Variants in LPIN1 observed in about 807,000 individuals in gnomAD.
The protein encoded by LPIN1 is lipin 1.
Under a neutral mutation model 107.5 loss-of-function variants are expected in LPIN1, and 71 were observed. That is an observed-to-expected ratio of 0.66 (90% CI 0.55 to 0.80). The LOEUF (loss-of-function observed/expected upper bound fraction) is 0.80, where lower values mean the gene tolerates loss of function less well. Ranked by LOEUF, LPIN1 falls within the 30% of genes least tolerant of loss-of-function variation. The pLI is 0.00. For missense variants in LPIN1, 1,043 were observed against 1,160.6 expected (o/e 0.90, Z 1.47); for synonymous variants, 445 against 452.6 (o/e 0.98, Z 0.21).
At position 11,771,795 on chromosome 2, in the gene LPIN1, T is replaced by C; in HGVS notation, c.596+116T>C. On this transcript the variant is annotated intron_variant, in intron 4 of 20. Transcript: ENST00000674199. This position sits in a 1 kb window ranked among gnomAD's most constrained non-coding sequence, Gnocchi z 4.8. ...TATTCTTTTATGTGTTTTAGACCAG[T>C]GGTCCCCAACCTTTTTGGCACTAGG... The C allele has an allele frequency of 8.7e-7, 1 of 1,144,692 alleles. No homozygotes were observed. Among genetic ancestry groups the C allele is most frequent in the East Asian group, 2.6e-5 (1 of 38,698 alleles). 70.9% of individuals were successfully genotyped at this position (1,144,692 alleles called of 1,614,324 possible).
At position 11,819,903 on chromosome 2, in the gene LPIN1, A is replaced by G. The variant is rs116577290; in HGVS notation, c.2517+305A>G. Among the ~76,000 whole-genome samples, 835 of 152,342 alleles carry G rather than the reference A, an allele frequency of 5.5e-3. 5 individuals are homozygous for G. The highest frequency in any genetic ancestry group is 0.016 in the African/African-American group (679 of 41,570). On this transcript the variant is annotated intron_variant, in intron 19 of 20. Coordinates refer to ENST00000674199, the MANE Select transcript of LPIN1 (RefSeq NM_001349206.2). ...CATTTAATCGGATTAGTTTCTTTCT[A>G]CCAGAAGGGAACCGCAAAATCAGTC...
intron 12 of LPIN1, 164 bp from the exon 13 acceptor site, chr2:11,791,749 TA>T (rs1292399205): frequency 5.4e-6 from 8 of 1,475,286 alleles, no homozygotes; most frequent in Non-Finnish European, 7.3e-6. Flanking sequence ...TGGACGCCAT[TA>T]GGTTTTGCTT....
intron 7 of LPIN1, 29 bp downstream of exon 7, chr2:11,779,674 C>T: frequency 6.2e-7 from 1 of 1,612,974 alleles, no homozygotes; most frequent in Non-Finnish European, 8.5e-7. Flanking sequence ...CTGCCACGGA[C>T]CGAAGATTTC....
intron 17 of LPIN1, among the ~76,000 whole-genome samples, chr2:11,810,963 T>C (rs368882142): frequency 1.3e-5 from 2 of 152,162 alleles, no homozygotes; most frequent in Non-Finnish European, 2.9e-5. Context: ...TTTTTCCTTC[T>C]TCCCATTCTG....
chr2:11,793,522 T>C (rs144890192), intron 13 of LPIN1, among the ~76,000 whole-genome samples: 5 of 152,356 alleles, frequency 3.3e-5, no homozygotes, highest in Admixed American at 2.6e-4. Context: ...AGTGCTTGTG[T>C]GTTCTAGCTC....
At chr2:11,795,334 A>G (rs1265146688) in intron 13 of LPIN1, 74 bp from the exon 14 acceptor site, 69 of 1,259,928 alleles carry the variant, frequency 5.5e-5, no homozygotes, top group Middle Eastern at 1.8e-4. Flanking sequence ...AAGGAAGCCC[A>G]TGGGAAAACA....
chr2:11,787,940 CAAA>C (rs748630756), intron 11 of LPIN1, among the ~76,000 whole-genome samples: 8 of 96,424 alleles, frequency 8.3e-5, no homozygotes, highest in Non-Finnish European at 9.3e-5. Flanking sequence ...GACTCTGTCT[CAAA>C]AAAAAAAAAA....
intron 1 of LPIN1, among the ~76,000 whole-genome samples, chr2:11,699,504 C>T (rs532521112): frequency 4.6e-5 from 7 of 152,024 alleles, no homozygotes; most frequent in East Asian, 3.9e-4. Flanking sequence ...TCACCTTTTA[C>T]GGTGCTAGTG....
intron 2 of LPIN1, among the ~76,000 whole-genome samples, chr2:11,715,340 G>C (rs1663663347): frequency 6.6e-6 from 1 of 152,192 alleles, no homozygotes; most frequent in African/African-American, 2.4e-5. Context: ...TCCCCACCCT[G>C]CACAGAGCTG....
intron 12 of LPIN1, among the ~76,000 whole-genome samples, chr2:11,789,495 T>C (rs769160901): frequency 4.0e-5 from 6 of 151,664 alleles, no homozygotes; most frequent in Non-Finnish European, 7.4e-5. Flanking sequence ...GATGTGCACG[T>C]GTGTGCGCGT....
chr2:11,755,643 C>T (rs577312187), intron 1 of LPIN1, among the ~76,000 whole-genome samples: 7 of 151,458 alleles, frequency 4.6e-5, no homozygotes, highest in African/African-American at 1.2e-4. Flanking sequence ...CCTGGACAGC[C>T]GGGGGAGGAA....
At chr2:11,722,658 A>G (rs1664233739), upstream of LPIN1, 1 of 152,228 alleles carries the variant, frequency 6.6e-6, no homozygotes, top group Non-Finnish European at 1.5e-5. Flanking sequence ...ATAAGCCAGA[A>G]TCTTGTAGCC....
intron 1 of LPIN1, among the ~76,000 whole-genome samples, chr2:11,687,338 C>A (rs1662060874): frequency 6.6e-6 from 1 of 152,072 alleles, no homozygotes; most frequent in South Asian, 2.1e-4. Context: ...TTCTTGAGAT[C>A]CTTCTAGGCC....
Position 11,824,662 on chromosome 2 carries a change from C to T in LPIN1, c.2652C>T (p.His884=), listed in dbSNP as rs748840272. ...TGAGACTCTGTGAAGTAGTCGACCACGTTTTCCCGTTGCTGAAAAGAAGCC... is the reference window on the plus strand; with the variant it reads ...TGAGACTCTGTGAAGTAGTCGACCATGTTTTCCCGTTGCTGAAAAGAAGCC... ...SYVRLCEVVD[H]VFPLLKRSHS... is the part of the protein sequence containing the mutation. Residue 884 remains histidine (H), a synonymous_variant, in exon 21 of 21, where the codon CAC becomes CAT. Transcript: ENST00000674199. The T allele has an allele frequency of 2.0e-5, 33 of 1,613,952 alleles. No homozygotes were observed. Among genetic ancestry groups the T allele is most frequent in the Middle Eastern group, 3.3e-4 (2 of 6,084 alleles).
chr2:11,804,624 G>A, intron 16 of LPIN1, 53 bp downstream of exon 16: 2 of 1,597,088 alleles, frequency 1.3e-6, no homozygotes, highest in East Asian at 2.2e-5. Context: ...TCACCGTGGG[G>A]GTCTCTGGGC....
intron 13 of LPIN1, among the ~76,000 whole-genome samples, chr2:11,792,826 T>A (rs905566841): frequency 7.2e-5 from 11 of 152,024 alleles, no homozygotes; most frequent in Non-Finnish European, 1.0e-4. Context: ...TTCGTTGCCC[T>A]CTCCTCTATT....
intron 17 of LPIN1, among the ~76,000 whole-genome samples, chr2:11,807,180 G>C (rs1021714955): frequency 1.3e-5 from 2 of 152,206 alleles, no homozygotes; most frequent in African/African-American, 4.8e-5. Context: ...TAGAATTGCT[G>C]GGTCAAAGGA....
chr2:11,819,371 C>A, intron 18 of LPIN1, 113 bp from the exon 19 acceptor site: 1 of 769,014 alleles, frequency 1.3e-6, no homozygotes, highest in Non-Finnish European at 2.3e-6. Context: ...ACACACTAAA[C>A]TTTTGAAGAT....
At position 11,774,999 on chromosome 2, in the gene LPIN1, A is replaced by G. The variant is rs574516299; in HGVS notation, c.723-1087A>G. Among the ~76,000 whole-genome samples, 76 of 152,248 alleles carry G rather than the reference A, an allele frequency of 5.0e-4. No homozygotes were observed. Among genetic ancestry groups the G allele is most frequent in the Middle Eastern group, 3.4e-3 (1 of 294 alleles). ...AAAAAAAAGATGAAATTAATTTTAA[A>G]GCTATATTTCATTTGACCACAGTAT... On this transcript the variant is annotated intron_variant, in intron 5 of 20. Transcript: ENST00000674199. This position sits in a 1 kb window ranked among gnomAD's most constrained non-coding sequence, Gnocchi z 4.4.
Sources: allele counts gnomAD v4.1 joint callset (sites outside exome capture counted in the v4.1 genomes callset), GRCh38; gene constraint gnomAD v4.1.1; non-coding constraint Gnocchi (gnomAD v3.1); transcripts MANE v1.5; gene names NCBI Gene and HGNC (gene_info 2026-07-23, HGNC 2026-07-21).